Variants in CSMD1 observed in about 807,000 individuals in gnomAD.
CSMD1 encodes CUB and Sushi multiple domains 1.
In CSMD1, 213 loss-of-function variants were observed where a neutral mutation model predicts 417.5. The observed-to-expected ratio is 0.51, with a 90% CI of 0.46 to 0.57. The LOEUF (loss-of-function observed/expected upper bound fraction) is 0.57. Ranked by LOEUF, CSMD1 falls within the 20% of genes least tolerant of loss-of-function variation. CSMD1 has a pLI of 0.00. For missense variants in CSMD1, 6,923 were observed against 4,529.7 expected (o/e 1.53, Z -15.17); for synonymous variants, 2,862 against 1,736.8 (o/e 1.65, Z -16.11).
intron 25 of CSMD1, among the ~76,000 whole-genome samples, chr8:3,299,404 A>T (rs534349618): frequency 6.6e-6 from 1 of 152,268 alleles, no homozygotes; most frequent in South Asian, 2.1e-4. Context: ...GTGAGCCAAG[A>T]TCACGCTATT....
intron 3 of CSMD1, among the ~76,000 whole-genome samples, chr8:4,392,231 A>G (rs770398544): frequency 6.6e-6 from 1 of 152,118 alleles, no homozygotes; most frequent in African/African-American, 2.4e-5. Flanking sequence ...ACATTTTTCA[A>G]TTTACTTGTG....
At chr8:4,728,238 C>T (rs1009257822) in intron 1 of CSMD1, among the ~76,000 whole-genome samples, 3 of 148,626 alleles carry the variant, frequency 2.0e-5, no homozygotes, top group Non-Finnish European at 4.5e-5. Flanking sequence ...GATCCTACAC[C>T]TAATGATATG....
At chr8:3,264,863 G>GAT (rs1563202145) in intron 26 of CSMD1, among the ~76,000 whole-genome samples, 1 of 151,750 alleles carries the variant, frequency 6.6e-6, no homozygotes, top group Non-Finnish European at 1.5e-5. Context: ...GCTGTGTGTG[G>GAT]GTGTGTGTGG....
At chr8:3,749,059 G>C (rs891047488) in intron 6 of CSMD1, among the ~76,000 whole-genome samples, 1 of 152,182 alleles carries the variant, frequency 6.6e-6, no homozygotes. Context: ...CCAACACTTA[G>C]ATGACTATTT....
At chr8:3,553,481 T>A (rs1009729353) in intron 10 of CSMD1, among the ~76,000 whole-genome samples, 2 of 152,214 alleles carry the variant, frequency 1.3e-5, no homozygotes, top group South Asian at 2.1e-4. Context: ...TTGAAGAAGA[T>A]ATTCCTAAGA....
chr8:3,337,136 C>G (rs1320943183), intron 23 of CSMD1, among the ~76,000 whole-genome samples: 1 of 152,070 alleles, frequency 6.6e-6, no homozygotes, highest in African/African-American at 2.4e-5. Context: ...AAGAAGAAGA[C>G]TGAAAAGGGT....
At chr8:4,810,170 A>T (rs1261599871) in intron 1 of CSMD1, among the ~76,000 whole-genome samples, 1 of 152,222 alleles carries the variant, frequency 6.6e-6, no homozygotes, top group Non-Finnish European at 1.5e-5. Context: ...ATTTTATGTA[A>T]ACTTCAAGAA....
chr8:3,230,195 G>A lies in CSMD1; in HGVS notation c.4190C>T (p.Pro1397Leu). ...IAATCNDPGM[P>L]QNGTRYGDSR... The stretch of plus-strand genomic sequence containing the variant: ...GTCTCCATAGCGGGTGCCATTTTGG[G>A]GCATACCTGGATCGTTACAGGTGGC... The change falls in exon 27 of 70, where the codon CCC (proline) becomes CTC (leucine). Residue 1397 changes from proline to leucine, a missense_variant. Coordinates refer to ENST00000635120, the MANE Select transcript of CSMD1 (RefSeq NM_033225.6). 1.2e-6 allele frequency: 2 copies of A among 1,609,346 alleles called. No individual in the cohort carries two copies. Among genetic ancestry groups the A allele is most frequent in the Non-Finnish European group, 1.7e-6 (2 of 1,177,604 alleles).
At chr8:4,679,630 CAAAAGATA>C (rs1293079807) in intron 1 of CSMD1, among the ~76,000 whole-genome samples, 3 of 152,068 alleles carry the variant, frequency 2.0e-5, no homozygotes, top group Admixed American at 6.6e-5. Flanking sequence ...AATGTATCTA[CAAAAGATA>C]ATATCTTACT....
intron 2 of CSMD1, among the ~76,000 whole-genome samples, chr8:4,596,436 C>T (rs564360888): frequency 6.6e-6 from 1 of 152,058 alleles, no homozygotes; most frequent in Non-Finnish European, 1.5e-5. Flanking sequence ...ACAAATATAG[C>T]AATTTTGATC....
chr8:3,856,345 C>T (rs924226867), intron 5 of CSMD1, among the ~76,000 whole-genome samples: 2 of 152,138 alleles, frequency 1.3e-5, no homozygotes, highest in African/African-American at 4.8e-5. Context: ...TGCTATGCTT[C>T]CTGTACAGCC....
At chr8:3,427,588 A>C (rs1423804862) in intron 12 of CSMD1, among the ~76,000 whole-genome samples, 1 of 152,192 alleles carries the variant, frequency 6.6e-6, no homozygotes, top group East Asian at 1.9e-4. Flanking sequence ...ATGAGATATG[A>C]AACAATCTAT....
At chr8:4,391,223 A>G (rs1156322321) in intron 3 of CSMD1, among the ~76,000 whole-genome samples, 1 of 152,136 alleles carries the variant, frequency 6.6e-6, no homozygotes, top group Non-Finnish European at 1.5e-5. Flanking sequence ...AGTAAGAAGC[A>G]CTGTGTGCAA....
intron 3 of CSMD1, among the ~76,000 whole-genome samples, chr8:4,076,430 T>A (rs1228162797): frequency 2.0e-5 from 3 of 152,208 alleles, no homozygotes; most frequent in Non-Finnish European, 4.4e-5. Context: ...AGCATAGACT[T>A]TCTCTGGTTT....
At chr8:3,261,239 A>G (rs1801038321) in intron 26 of CSMD1, among the ~76,000 whole-genome samples, 1 of 152,226 alleles carries the variant, frequency 6.6e-6, no homozygotes, top group African/African-American at 2.4e-5. Flanking sequence ...GGAGGCAGAA[A>G]AACAGAATCA....
intron 5 of CSMD1, among the ~76,000 whole-genome samples, chr8:3,944,455 T>C (rs1302542615): frequency 1.3e-5 from 2 of 152,292 alleles, no homozygotes; most frequent in African/African-American, 2.4e-5. Flanking sequence ...TTTCTAGTTT[T>C]GGTTTTTTTT....
chr8:4,919,384 T>C (rs1453300322), intron 1 of CSMD1, among the ~76,000 whole-genome samples: 4 of 152,210 alleles, frequency 2.6e-5, no homozygotes, highest in African/African-American at 9.6e-5. Flanking sequence ...AATAATCTAA[T>C]AAATTTTATT....
chr8:4,800,832 C>T (rs1438729274), intron 1 of CSMD1, among the ~76,000 whole-genome samples: 1 of 152,222 alleles, frequency 6.6e-6, no homozygotes, highest in Non-Finnish European at 1.5e-5. Context: ...GGGTGCAGGG[C>T]ACAAAGTCCA....
chr8:3,363,512 C>CTTATTTAT (rs72391770), intron 20 of CSMD1, among the ~76,000 whole-genome samples: 13,532 of 150,710 alleles, frequency 0.09, 640 homozygotes, highest in East Asian at 0.13. Context: ...TGTAGAAAGG[C>CTTATTTAT]TTATTTATTT....
Sources: allele counts gnomAD v4.1 joint callset (sites outside exome capture counted in the v4.1 genomes callset), GRCh38; gene constraint gnomAD v4.1.1; transcripts MANE v1.5; gene names NCBI Gene and HGNC (gene_info 2026-07-23, HGNC 2026-07-21).